The following TIMP2 variants were observed in gnomAD, a reference collection of about 807,000 sequenced individuals.
The protein encoded by TIMP2 is TIMP metallopeptidase inhibitor 2, also known as metalloproteinase inhibitor 2.
Under a neutral mutation model 24.3 loss-of-function variants are expected in TIMP2, and 5 were observed. That is an observed-to-expected ratio of 0.21 (90% CI 0.11 to 0.43). The LOEUF (loss-of-function observed/expected upper bound fraction) is 0.43, where lower values mean the gene tolerates loss of function less well. Ranked by LOEUF, TIMP2 falls within the 20% of genes least tolerant of loss-of-function variation. The pLI is 1.00. For missense variants in TIMP2, 221 were observed against 297.5 expected (o/e 0.74, Z 1.89); for synonymous variants, 130 against 123.2 (o/e 1.06, Z -0.37).
Position 78,853,940 on chromosome 17 carries a change from C to T in TIMP2, c.*1727G>A, listed in dbSNP as rs1348209971. Reference sequence around the variant, plus strand: ...CTGGTCCATTATGACATCTTACCAACTTTAGGTCACTGTACAGCATGAAAA... The same window carrying T: ...CTGGTCCATTATGACATCTTACCAATTTTAGGTCACTGTACAGCATGAAAA... On this transcript the variant is annotated 3_prime_UTR_variant, in exon 5 of 5. Transcript: ENST00000262768. 1 of 152,248 alleles carries T rather than the reference C, an allele frequency of 6.6e-6. No homozygotes were observed. The highest frequency in any genetic ancestry group is 2.4e-5 in the African/African-American group (1 of 41,440). 9.4% of individuals were successfully genotyped at this position (152,248 alleles called of 1,614,324 possible).
chr17:78,874,776 T>C (rs1156615156), intron 1 of TIMP2, among the ~76,000 whole-genome samples: 1 of 150,710 alleles, frequency 6.6e-6, no homozygotes, highest in Non-Finnish European at 1.5e-5. Context: ...AGTCTCACTC[T>C]GTCGTCCAGG....
chr17:78,871,056 G>C (rs1261768516), intron 2 of TIMP2, 50 bp from the exon 3 acceptor site: 1 of 1,507,018 alleles, frequency 6.6e-7, no homozygotes, highest in South Asian at 1.2e-5. Context: ...CCACACAGTT[G>C]GTGAATTCCG....
chr17:78,894,903 C>A (rs2069974717), intron 1 of TIMP2, among the ~76,000 whole-genome samples: 1 of 152,098 alleles, frequency 6.6e-6, no homozygotes, highest in South Asian at 2.1e-4. Context: ...ATTTGCAAAT[C>A]ATATATCCAA....
chr17:78,892,121 C>T (rs2069908048), intron 1 of TIMP2: 1 of 1,551,124 alleles, frequency 6.4e-7, no homozygotes, highest in Non-Finnish European at 8.7e-7. Context: ...CCTGTCCAGG[C>T]CACCGACGTG....
intron 1 of TIMP2, among the ~76,000 whole-genome samples, chr17:78,875,169 C>T (rs1328427446): frequency 6.6e-6 from 1 of 152,202 alleles, no homozygotes; most frequent in Non-Finnish European, 1.5e-5. Flanking sequence ...TGAGCCACTG[C>T]GCCCAGCCTG....
chr17:78,891,643 G>A lies in TIMP2; in HGVS notation c.131-17724C>T. The A allele has an allele frequency of 6.4e-7, 1 of 1,550,966 alleles. No homozygotes were observed. The highest frequency in any genetic ancestry group is 8.7e-7 in the Non-Finnish European group (1 of 1,147,096). On this transcript the variant is annotated intron_variant, in intron 1 of 4. Transcript: ENST00000262768. The surrounding 1 kb of genome is among the most constrained non-coding windows in gnomAD (Gnocchi z 4.5). Reference sequence around the variant, plus strand: ...AGCGACTGGTCAGGGCTGGAACAAAGCAAACTGCCCCCTTTCCCAGTTGCC... The same window carrying A: ...AGCGACTGGTCAGGGCTGGAACAAAACAAACTGCCCCCTTTCCCAGTTGCC...
chr17:78,888,226 C>A (rs1265368302), intron 1 of TIMP2, among the ~76,000 whole-genome samples: 2 of 149,216 alleles, frequency 1.3e-5, no homozygotes, highest in East Asian at 2.0e-4. Context: ...GTGGCGCAAT[C>A]TTGGCTCACT....
chr17:78,896,151 C>T lies in TIMP2; in HGVS notation c.131-22232G>A, dbSNP rs531406446. ...ACACCATCAGATGCAACCTCGTCCC[C>T]GCTACCCCAGCTCTCCTTGCTCTCC... On this transcript the variant is annotated intron_variant, in intron 1 of 4. Transcript: ENST00000262768. The surrounding 1 kb of genome is among the most constrained non-coding windows in gnomAD (Gnocchi z 4.4). Among the ~76,000 whole-genome samples the T allele has an allele frequency of 9.2e-5, 14 of 152,364 alleles. No homozygotes were observed. The highest frequency in any genetic ancestry group is 6.8e-3 in the Middle Eastern group (2 of 294).
At chr17:78,890,541 T>G (rs2069871315) in intron 1 of TIMP2, 5 of 1,354,204 alleles carry the variant, frequency 3.7e-6, no homozygotes, top group Non-Finnish European at 5.0e-6. Flanking sequence ...TAATAGTCTC[T>G]GAGGCAATGA....
rs111654265 is a variant in TIMP2 at position 78,891,350 on chromosome 17, C to A, written c.131-17431G>T. 0.083 allele frequency: 128,079 copies of A among 1,550,426 alleles called. 5,888 individuals carry two copies. Among genetic ancestry groups the A allele is most frequent in the Middle Eastern group, 0.11 (637 of 5,992 alleles). ...CTTCCCTCTTGGGGTCCCAGCGCCA[C>A]ACTCTTGCATCTCTGAGAAGGCATG... On this transcript the variant is annotated intron_variant, in intron 1 of 4. Coordinates refer to ENST00000262768, the MANE Select transcript of TIMP2 (RefSeq NM_003255.5). The surrounding 1 kb of genome is among the most constrained non-coding windows in gnomAD (Gnocchi z 4.5).
intron 1 of TIMP2, chr17:78,892,168 C>T: frequency 6.4e-7 from 1 of 1,551,010 alleles, no homozygotes; most frequent in South Asian, 1.2e-5. Flanking sequence ...TCCTCAACTC[C>T]TCAGCCAAGC....
intron 1 of TIMP2, among the ~76,000 whole-genome samples, chr17:78,910,379 G>A (rs769630646): frequency 6.6e-6 from 1 of 152,082 alleles, no homozygotes; most frequent in African/African-American, 2.4e-5. Flanking sequence ...TTTTAGTAGA[G>A]ACAAGGTTTC....
intron 1 of TIMP2, among the ~76,000 whole-genome samples, chr17:78,909,695 C>T (rs2070190936): frequency 1.3e-5 from 2 of 152,174 alleles, no homozygotes; most frequent in Admixed American, 6.5e-5. Context: ...GCTCGGGTCT[C>T]ATCGGGTTTC....
Position 78,873,347 on chromosome 17 carries a change from A to T in TIMP2, c.231+472T>A, listed in dbSNP as rs1383593575. 2.3e-5 allele frequency among the ~76,000 whole-genome samples: 3 copies of T among 132,464 alleles called. No homozygotes were observed. The Admixed American group carries it at 2.4e-4, about 11-fold the overall frequency. 86.9% of individuals were successfully genotyped at this position (132,464 alleles called of 152,430 possible). A position where few individuals can be genotyped will look rare whatever the true frequency, so the allele number is the denominator to read the frequency against. ...AATACAAGCTCTCACTCTGTCACCC[A>T]GGCTGGAATACAGTGGTGAGATGTC... On this transcript the variant is annotated intron_variant, in intron 2 of 4. Coordinates refer to ENST00000262768, the MANE Select transcript of TIMP2 (RefSeq NM_003255.5).
At chr17:78,888,430 G>T (rs954523326) in intron 1 of TIMP2, among the ~76,000 whole-genome samples, 1 of 151,702 alleles carries the variant, frequency 6.6e-6, no homozygotes, top group Non-Finnish European at 1.5e-5. Context: ...AACGTGCTGG[G>T]ATTACAGGTG....
intron 1 of TIMP2, among the ~76,000 whole-genome samples, chr17:78,916,845 C>T (rs946083916): frequency 6.6e-6 from 1 of 152,222 alleles, no homozygotes; most frequent in Admixed American, 6.5e-5. Flanking sequence ...CTCTCTACCA[C>T]AGCCACCCTG....
At position 78,891,089 on chromosome 17, in the gene TIMP2, T is replaced by G. The variant is rs774759246; in HGVS notation, c.131-17170A>C. ...CAGCGTGCCCAGTTTGGGGGTCTCT[T>G]GTCCAGATTCAGTGCTATACAATAA... On this transcript the variant is annotated intron_variant, in intron 1 of 4. Coordinates refer to ENST00000262768, the MANE Select transcript of TIMP2 (RefSeq NM_003255.5). The surrounding 1 kb of genome is among the most constrained non-coding windows in gnomAD (Gnocchi z 4.5). The G allele has an allele frequency of 1.0e-5, 16 of 1,550,946 alleles. No individual in the cohort carries two copies. In the South Asian group the frequency reaches 1.9e-4, roughly 18 times the overall value.
chr17:78,885,931 G>A (rs1044448208), intron 1 of TIMP2, among the ~76,000 whole-genome samples: 1 of 152,144 alleles, frequency 6.6e-6, no homozygotes, highest in African/African-American at 2.4e-5. Flanking sequence ...GTGACCAAGG[G>A]GGGAGGGGAA....
intron 1 of TIMP2, among the ~76,000 whole-genome samples, chr17:78,883,855 T>C (rs2069800892): frequency 6.6e-6 from 1 of 152,152 alleles, no homozygotes; most frequent in African/African-American, 2.4e-5. Context: ...TCTGCAGCTC[T>C]GGGAGGACCT....
Sources: gnomAD v4.1 joint callset for allele counts (sites outside exome capture counted in the v4.1 genomes callset) on GRCh38, gnomAD v4.1.1 for gene constraint, Gnocchi (gnomAD v3.1) non-coding constraint, MANE v1.5 for transcripts, NCBI Gene and HGNC (gene_info 2026-07-23, HGNC 2026-07-21) for gene names.